The following SORCS2 variants were observed in gnomAD, a reference collection of about 807,000 sequenced individuals.
SORCS2 encodes VPS10 domain-containing receptor SorCS2.
In SORCS2, 100 loss-of-function variants were observed where a neutral mutation model predicts 141.6. The observed-to-expected ratio is 0.71, with a 90% CI of 0.60 to 0.83. The LOEUF is 0.83. SORCS2 is among the 40% of genes least tolerant of loss of function. The probability of loss-of-function intolerance (pLI) is 0.00; values close to 1 mark genes in which losing one functional copy is unlikely to be tolerated. For synonymous variants in SORCS2, 789 were observed against 676.9 expected, an observed-to-expected ratio of 1.17 and a Z score of -2.57; for missense variants, 1,646 against 1,560.2, an observed-to-expected ratio of 1.05 and a Z score of -0.93.
chr4:7,217,159 C>T (rs575890888), intron 1 of SORCS2, among the ~76,000 whole-genome samples: 1 of 152,330 alleles, frequency 6.6e-6, no homozygotes, highest in South Asian at 2.1e-4. Context: ...CTTGCTGCAG[C>T]CTGACCAGCC....
rs1338901785 is a variant in SORCS2, at chr4:7,663,778, T to TAA, written c.953-573_953-572dup. Reference sequence around the variant, plus strand: ...GCACCCTTCCCTTGGTCCCCTTGGATAAATCTTCCTCCTGGCTCACAAGCT... The same window carrying TAA: ...GCACCCTTCCCTTGGTCCCCTTGGATAAAAATCTTCCTCCTGGCTCACAAGCT... On this transcript the variant is annotated intron_variant, in intron 6 of 26. Transcript: ENST00000507866. This position sits in a 1 kb window ranked among gnomAD's most constrained non-coding sequence, Gnocchi z 4.8. Among the ~76,000 whole-genome samples the TAA allele has an allele frequency of 6.6e-6, 1 of 152,144 alleles. No individual in the cohort carries two copies. The highest frequency in any genetic ancestry group is 2.4e-5 in the African/African-American group (1 of 41,422).
At chr4:7,213,415 T>C (rs2108888600) in intron 1 of SORCS2, among the ~76,000 whole-genome samples, 1 of 152,236 alleles carries the variant, frequency 6.6e-6, no homozygotes, top group African/African-American at 2.4e-5. Context: ...TCACATGGTG[T>C]TGTGGACTGA....
chr4:7,442,235 T>C (rs1315511129), intron 2 of SORCS2, among the ~76,000 whole-genome samples: 2 of 10 alleles, frequency 0.2, 1 homozygote, highest in Admixed American at 0.5. Context: ...CACCCCCTCC[T>C]TCAGCCCAGA....
At chr4:7,512,895 C>A (rs1313927485) in intron 2 of SORCS2, among the ~76,000 whole-genome samples, 6 of 152,332 alleles carry the variant, frequency 3.9e-5, no homozygotes, top group Middle Eastern at 3.4e-3. Context: ...GGCCCTGCCC[C>A]TCCATGGCCT....
Position 7,373,458 on chromosome 4 carries a change from TTATATA to T in SORCS2, c.481-22814_481-22809del, listed in dbSNP as rs1553850461. Among the ~76,000 whole-genome samples, 52 of 82,826 alleles carry T rather than the reference TTATATA, an allele frequency of 6.3e-4. 5 individuals are homozygous for T. The highest frequency in any genetic ancestry group is 3.5e-3 in the African/African-American group (49 of 14,072). The allele number at this position is 82,826 out of a possible 152,430, so 54.3% of individuals were successfully genotyped here. ...TGTTGTATTGAATTGTGAGAAACTT[TTATATA>T]TATATATATATATATTTTTTTTTTT... On this transcript the variant is annotated intron_variant, in intron 1 of 26. Transcript: ENST00000507866.
Position 7,436,953 on chromosome 4 carries a change from G to A in SORCS2, c.548+40598G>A, listed in dbSNP as rs146777289. 1.1e-4 allele frequency among the ~76,000 whole-genome samples: 16 copies of A among 152,218 alleles called. No individual in the cohort carries two copies. In the East Asian group the frequency reaches 1.7e-3, roughly 17 times the overall value. On this transcript the variant is annotated intron_variant, in intron 2 of 26. Transcript: ENST00000507866. Reference sequence around the variant, plus strand: ...ATCGCTTTCCAAAGTGGTTGTGCCCGTTCCCACTCCCCTCAGCAGCATTTG... The same window carrying A: ...ATCGCTTTCCAAAGTGGTTGTGCCCATTCCCACTCCCCTCAGCAGCATTTG...
chr4:7,554,034 T>C (rs552800107), intron 3 of SORCS2, among the ~76,000 whole-genome samples: 3 of 152,240 alleles, frequency 2.0e-5, no homozygotes, highest in East Asian at 3.9e-4. Flanking sequence ...TCAGGGCCTA[T>C]GAAACAACCA....
intron 25 of SORCS2, 81 bp from the exon 26 acceptor site, chr4:7,736,988 C>A (rs1712231737): frequency 2.0e-6 from 3 of 1,517,346 alleles, no homozygotes; most frequent in Admixed American, 2.0e-5. Flanking sequence ...TCGGTGTGGT[C>A]AGGCGGCCAG....
chr4:7,229,512 C>T (rs935262111), intron 1 of SORCS2, among the ~76,000 whole-genome samples: 1 of 152,214 alleles, frequency 6.6e-6, no homozygotes, highest in African/African-American at 2.4e-5. Flanking sequence ...TGGAGAGCAC[C>T]CAGGCTTCCA....
intron 3 of SORCS2, among the ~76,000 whole-genome samples, chr4:7,546,875 T>C (rs1275949881): frequency 1.3e-5 from 2 of 152,216 alleles, no homozygotes; most frequent in African/African-American, 2.4e-5. Context: ...CACTTTCTTA[T>C]CCCTTGTGCA....
In SORCS2 at chr4:7,663,158, G is replaced by GTGAGTGAATGAGTGA. The variant is rs1315900107; in HGVS notation, c.953-1179_953-1165dup. Among the ~76,000 whole-genome samples, 4 of 151,782 alleles carry GTGAGTGAATGAGTGA rather than the reference G, an allele frequency of 2.6e-5. No individual in the cohort carries two copies. Among genetic ancestry groups the GTGAGTGAATGAGTGA allele is most frequent in the African/African-American group, 9.7e-5 (4 of 41,142 alleles). On this transcript the variant is annotated intron_variant, in intron 6 of 26. Transcript: ENST00000507866. The surrounding 1 kb of genome is among the most constrained non-coding windows in gnomAD (Gnocchi z 4.8). ...AGTGAGTGAGTAATTGAAAGAGTGAGTGAGTGAATGAGTGATGAGTGAATG... is the reference window on the plus strand; with the variant it reads ...AGTGAGTGAGTAATTGAAAGAGTGAGTGAGTGAATGAGTGATGAGTGAATGAGTGATGAGTGAATG...
At chr4:7,469,284 G>A (rs1729828564) in intron 2 of SORCS2, among the ~76,000 whole-genome samples, 1 of 152,118 alleles carries the variant, frequency 6.6e-6, no homozygotes, top group African/African-American at 2.4e-5. Context: ...TGATGATGAT[G>A]ATGATGATGA....
intron 2 of SORCS2, among the ~76,000 whole-genome samples, chr4:7,482,555 C>CT (rs769043218): frequency 1.1e-4 from 8 of 70,248 alleles, no homozygotes; most frequent in Non-Finnish European, 1.0e-4. Context: ...ACACCCCTGA[C>CT]GCTGTTCAGA....
intron 1 of SORCS2, among the ~76,000 whole-genome samples, chr4:7,244,899 T>C (rs1712974070): frequency 6.6e-6 from 1 of 152,190 alleles, no homozygotes; most frequent in Admixed American, 6.5e-5. Context: ...AGGCTGGACC[T>C]GAGTACCCAG....
At chr4:7,528,029 CTG>C (rs1459212034) in intron 2 of SORCS2, among the ~76,000 whole-genome samples, 7 of 151,964 alleles carry the variant, frequency 4.6e-5, no homozygotes, top group Non-Finnish European at 1.0e-4. Context: ...CTCTCTGTCT[CTG>C]TCTCTCTCTC....
At chr4:7,561,039 C>T (rs1303802681) in intron 3 of SORCS2, among the ~76,000 whole-genome samples, 7 of 152,092 alleles carry the variant, frequency 4.6e-5, no homozygotes, top group Non-Finnish European at 1.0e-4. Context: ...CTTGACTGGA[C>T]CCCAGGCCCT....
chr4:7,260,928 G>A (rs1714277520), intron 1 of SORCS2, among the ~76,000 whole-genome samples: 1 of 152,222 alleles, frequency 6.6e-6, no homozygotes, highest in South Asian at 2.1e-4. Flanking sequence ...GAGAGGTGGA[G>A]AGTCATCCTT....
intron 1 of SORCS2, among the ~76,000 whole-genome samples, chr4:7,281,306 T>C (rs1474770020): frequency 6.6e-6 from 1 of 152,124 alleles, no homozygotes; most frequent in Non-Finnish European, 1.5e-5. Context: ...CATCTCCGCT[T>C]GTCGGTGATG....
intron 1 of SORCS2, among the ~76,000 whole-genome samples, chr4:7,261,288 C>G (rs1057103951): frequency 6.6e-6 from 1 of 152,194 alleles, no homozygotes; most frequent in African/African-American, 2.4e-5. Flanking sequence ...GGAGACCCTT[C>G]AAAGGGAAGA....
Sources: allele counts gnomAD v4.1 joint callset (sites outside exome capture counted in the v4.1 genomes callset), GRCh38; gene constraint gnomAD v4.1.1; non-coding constraint Gnocchi (gnomAD v3.1); transcripts MANE v1.5; gene names NCBI Gene and HGNC (gene_info 2026-07-23, HGNC 2026-07-21).